LRP1B: variants seen among roughly 807,000 people sequenced by gnomAD.
The protein encoded by LRP1B is LDL receptor related protein 1B, also known as low-density lipoprotein receptor-related protein 1B.
LRP1B carries 217 observed loss-of-function variants against 556.6 expected under a neutral mutation model. That is an observed-to-expected ratio of 0.39 (90% CI 0.35 to 0.44). The LOEUF (loss-of-function observed/expected upper bound fraction) is 0.44. Ranked by LOEUF, LRP1B falls within the 20% of genes least tolerant of loss-of-function variation. The pLI, the probability that LRP1B is intolerant of heterozygous loss-of-function variation, is 1.00. For missense variants in LRP1B, 5,053 were observed against 5,620.8 expected, an observed-to-expected ratio of 0.90 and a Z score of 3.23; for synonymous variants, 2,047 against 1,865.8, an observed-to-expected ratio of 1.10 and a Z score of -2.50.
chr2:140,438,473 A>C (rs1412342983), intron 66 of LRP1B, among the ~76,000 whole-genome samples: 1 of 152,212 alleles, frequency 6.6e-6, no homozygotes, highest in East Asian at 1.9e-4. Context: ...GTAGCTTATA[A>C]CTTATAAATG....
chr2:140,903,851 A>G (rs1380493591), intron 22 of LRP1B, among the ~76,000 whole-genome samples: 1 of 151,904 alleles, frequency 6.6e-6, no homozygotes, highest in Non-Finnish European at 1.5e-5. Flanking sequence ...TGTCTGAAAT[A>G]ATGAGCAATA....
intron 68 of LRP1B, among the ~76,000 whole-genome samples, chr2:140,376,940 C>T (rs1683258607): frequency 6.6e-6 from 1 of 152,088 alleles, no homozygotes; most frequent in African/African-American, 2.4e-5. Context: ...AGAGCTGCAG[C>T]GAAAATCCTC....
chr2:140,930,137 AATAG>A (rs1695008559), intron 20 of LRP1B, among the ~76,000 whole-genome samples: 1 of 152,074 alleles, frequency 6.6e-6, no homozygotes, highest in Non-Finnish European at 1.5e-5. Context: ...CTATCTTTGT[AATAG>A]ATAGCCGTTG....
chr2:141,137,433 G>A (rs1447016449), intron 7 of LRP1B, among the ~76,000 whole-genome samples: 2 of 151,858 alleles, frequency 1.3e-5, no homozygotes, highest in Non-Finnish European at 2.9e-5. Context: ...CTTCTTGCAG[G>A]CGAGATGTAA....
chr2:140,653,031 A>G (rs1684745363), intron 41 of LRP1B, among the ~76,000 whole-genome samples: 1 of 152,164 alleles, frequency 6.6e-6, no homozygotes, highest in Admixed American at 6.5e-5. Flanking sequence ...TATCTCCAAC[A>G]GGAAAGACCC....
chr2:141,480,562 A>C, intron 2 of LRP1B, 29 bp from the exon 3 acceptor site: 1 of 1,612,062 alleles, frequency 6.2e-7, no homozygotes. Flanking sequence ...GAACAGAATT[A>C]TGTGTTAGCT....
chr2:141,253,717 T>G (rs1449699522), intron 4 of LRP1B, among the ~76,000 whole-genome samples: 1 of 152,052 alleles, frequency 6.6e-6, no homozygotes, highest in African/African-American at 2.4e-5. Context: ...ACTAATTTCT[T>G]TGGAAACTAT....
At chr2:141,634,418 C>T (rs1303636057) in intron 2 of LRP1B, among the ~76,000 whole-genome samples, 1 of 151,476 alleles carries the variant, frequency 6.6e-6, no homozygotes, top group Non-Finnish European at 1.5e-5. Flanking sequence ...AGAATATTGC[C>T]AAGTTCAAGC....
chr2:141,429,252 TTCAC>T (rs1680479848), intron 3 of LRP1B, among the ~76,000 whole-genome samples: 1 of 152,190 alleles, frequency 6.6e-6, no homozygotes, highest in African/African-American at 2.4e-5. Context: ...AAAATAATAC[TTCAC>T]TATTTTTCAC....
intron 37 of LRP1B, among the ~76,000 whole-genome samples, chr2:140,706,421 G>A (rs1228548525): frequency 6.6e-6 from 1 of 152,032 alleles, no homozygotes; most frequent in Non-Finnish European, 1.5e-5. Context: ...AATTTTATCT[G>A]AATAATAAAA....
chr2:141,833,203 T>A (rs1194940964), intron 1 of LRP1B, among the ~76,000 whole-genome samples: 1 of 151,754 alleles, frequency 6.6e-6, no homozygotes, highest in African/African-American at 2.4e-5. Context: ...ATAGCTAATT[T>A]CTTAGTAGAT....
chr2:141,353,558 T>C (rs950409850), intron 3 of LRP1B, among the ~76,000 whole-genome samples: 31 of 152,020 alleles, frequency 2.0e-4, no homozygotes, highest in Non-Finnish European at 4.4e-5. Flanking sequence ...AAATACGTTT[T>C]GATCTATTAT....
At chr2:141,026,791 C>A (rs553797716) in intron 11 of LRP1B, among the ~76,000 whole-genome samples, 3 of 151,958 alleles carry the variant, frequency 2.0e-5, no homozygotes, top group African/African-American at 4.8e-5. Context: ...TACATTGGGG[C>A]AAAGTCATAA....
At chr2:141,742,203 T>C (rs2105545093) in intron 2 of LRP1B, among the ~76,000 whole-genome samples, 1 of 152,196 alleles carries the variant, frequency 6.6e-6, no homozygotes, top group Middle Eastern at 3.4e-3. Context: ...AGCTCTGTAG[T>C]ATAACTTGAA....
intron 41 of LRP1B, among the ~76,000 whole-genome samples, chr2:140,606,060 A>G (rs1020260000): frequency 1.3e-5 from 2 of 152,060 alleles, no homozygotes; most frequent in African/African-American, 2.4e-5. Flanking sequence ...AGAAGGAAAT[A>G]AATGGTATCC....
At chr2:141,798,119 G>A (rs1390319254) in intron 2 of LRP1B, among the ~76,000 whole-genome samples, 1 of 152,124 alleles carries the variant, frequency 6.6e-6, no homozygotes, top group Non-Finnish European at 1.5e-5. Flanking sequence ...AAAGATTTAG[G>A]TGTAAACACA....
At chr2:141,298,500 C>T (rs1439912607) in intron 3 of LRP1B, among the ~76,000 whole-genome samples, 1 of 152,128 alleles carries the variant, frequency 6.6e-6, no homozygotes, top group Non-Finnish European at 1.5e-5. Context: ...CTCAGGCGAG[C>T]TTCCTTGATT....
intron 2 of LRP1B, among the ~76,000 whole-genome samples, chr2:141,777,484 C>A (rs544596093): frequency 6.6e-6 from 1 of 151,940 alleles, no homozygotes; most frequent in African/African-American, 2.4e-5. Flanking sequence ...GGCGCAGTCT[C>A]GGCTCACTGC....
In LRP1B at chr2:141,674,547, T is replaced by C. The variant is rs558102067; in HGVS notation, c.205+135732A>G. 1.1e-4 allele frequency among the ~76,000 whole-genome samples: 17 copies of C among 152,188 alleles called. No individual in the cohort carries two copies. In the East Asian group the frequency reaches 3.1e-3, roughly 28 times the overall value. On this transcript the variant is annotated intron_variant, in intron 2 of 90. Transcript: ENST00000389484. ...CCTTCACACTGGAAACATATCTATG[T>C]TATAATTAATAATAATCATACTATT...
Sources: allele counts gnomAD v4.1 joint callset (sites outside exome capture counted in the v4.1 genomes callset), GRCh38; gene constraint gnomAD v4.1.1; transcripts MANE v1.5; gene names NCBI Gene and HGNC (gene_info 2026-07-23, HGNC 2026-07-21).